Variants in ZNF469 observed in about 807,000 individuals in gnomAD.
ZNF469 encodes zinc finger protein 469.
A neutral mutation model predicts 1.0 loss-of-function variants in ZNF469; 1 was observed. That is an observed-to-expected ratio of 1.00 (90% confidence interval 0.35 to 4.73). ZNF469 has a LOEUF of 4.73. ZNF469 is among the 30% of genes most tolerant of loss of function. The probability of loss-of-function intolerance (pLI) is 0.16; values close to 1 mark genes in which losing one functional copy is unlikely to be tolerated. For missense variants in ZNF469, 6,100 were observed against 5,356.3 expected (o/e 1.14, Z -4.33); for synonymous variants, 2,703 against 2,363.4 (o/e 1.14, Z -4.17).
intron 1 of ZNF469, among the ~76,000 whole-genome samples, chr16:88,398,480 A>G (rs1046843555): frequency 5.3e-5 from 8 of 151,268 alleles, no homozygotes; most frequent in African/African-American, 2.0e-4. Flanking sequence ...TGAGCCACGG[A>G]TGAAGGGGGG....
chr16:88,397,232 G>A (rs762703134), intron 1 of ZNF469, among the ~76,000 whole-genome samples: 4 of 152,240 alleles, frequency 2.6e-5, no homozygotes, highest in South Asian at 2.1e-4. Flanking sequence ...TCTCATTGGC[G>A]GACCCGGTGC....
chr16:88,315,898 C>T, the ZNF469 span, among the ~76,000 whole-genome samples: 7 of 152,190 alleles, frequency 4.6e-5, no homozygotes, highest in Non-Finnish European at 1.0e-4. Context: ...CACAGGGCCT[C>T]GCCCGCCCAG....
At chr16:88,308,696 A>C in the ZNF469 span, among the ~76,000 whole-genome samples, 3 of 152,002 alleles carry the variant, frequency 2.0e-5, no homozygotes, top group African/African-American at 7.2e-5. Flanking sequence ...AGCAGACCCC[A>C]CCTCCATGAG....
the ZNF469 span, among the ~76,000 whole-genome samples, chr16:88,129,273 G>GT: frequency 1.3e-5 from 2 of 152,148 alleles, no homozygotes; most frequent in African/African-American, 4.8e-5. Flanking sequence ...TAGCCTTAGG[G>GT]TCGTCTCGGC....
At chr16:88,208,871 A>G in the ZNF469 span, among the ~76,000 whole-genome samples, 1 of 149,558 alleles carries the variant, frequency 6.7e-6, no homozygotes, top group African/African-American at 2.5e-5. Context: ...CGATGCCTCC[A>G]GTTCCAACCT....
chr16:88,347,808 G>A, the ZNF469 span, among the ~76,000 whole-genome samples: 648 of 152,316 alleles, frequency 4.3e-3, 1 homozygote, highest in African/African-American at 0.015. Context: ...GCACCCACCC[G>A]CCTCCTGGGA....
At chr16:88,122,259 AC>A in the ZNF469 span, among the ~76,000 whole-genome samples, 1 of 150,302 alleles carries the variant, frequency 6.7e-6, no homozygotes, top group Non-Finnish European at 1.5e-5. Context: ...CACGGCAGCC[AC>A]TCTGATCACA....
chr16:88,187,073 G>A, the ZNF469 span, among the ~76,000 whole-genome samples: 1 of 152,200 alleles, frequency 6.6e-6, no homozygotes, highest in Non-Finnish European at 1.5e-5. Context: ...ATGTAGCGGG[G>A]CCCTCTGGAA....
chr16:88,147,455 G>T, the ZNF469 span, among the ~76,000 whole-genome samples: 1 of 152,096 alleles, frequency 6.6e-6, no homozygotes, highest in African/African-American at 2.4e-5. Flanking sequence ...ACCGACTGGG[G>T]TCCAGGGCTG....
the ZNF469 span, among the ~76,000 whole-genome samples, chr16:88,102,790 C>T: frequency 6.6e-6 from 1 of 152,226 alleles, no homozygotes; most frequent in Non-Finnish European, 1.5e-5. Context: ...GCTACCAAGG[C>T]GTCCACCGCA....
chr16:88,281,679 A>G, the ZNF469 span, among the ~76,000 whole-genome samples: 1 of 148,168 alleles, frequency 6.7e-6, no homozygotes, highest in Admixed American at 6.7e-5. Flanking sequence ...GCTGTGCCAC[A>G]CCAACACTCG....
chr16:88,176,714 C>T, the ZNF469 span, among the ~76,000 whole-genome samples: 4 of 152,374 alleles, frequency 2.6e-5, no homozygotes, highest in Non-Finnish European at 2.9e-5. Context: ...TGTGGTGGGT[C>T]GGCCCGTGGC....
At chr16:88,232,957 C>T in the ZNF469 span, among the ~76,000 whole-genome samples, 1 of 152,224 alleles carries the variant, frequency 6.6e-6, no homozygotes, top group African/African-American at 2.4e-5. Context: ...GCATGGCCAC[C>T]TCCAGCCGGG....
Position 88,428,200 on chromosome 16 carries a change from C to T in ZNF469, c.730C>T (p.Pro244Ser), listed in dbSNP as rs928257964. ...SWPPAAENSF[P>S]GANFGVPPAE... ...GCCTCCCGCTGCTGAGAATAGCTTC[C>T]CAGGTGCTAATTTCGGGGTTCCCCC... Residue 244 changes from proline to serine, a missense_variant, in exon 3 of 3, where the codon CCA (proline) becomes TCA (serine). Physicochemically the swap from Pro to Ser is moderately conservative, Grantham distance 74. Coordinates refer to ENST00000565624, the MANE Select transcript of ZNF469 (RefSeq NM_001367624.2). 1.3e-6 allele frequency: 2 copies of T among 1,550,180 alleles called. No homozygotes were observed. The highest frequency in any genetic ancestry group is 2.7e-5 in the African/African-American group (2 of 73,044).
chr16:88,217,147 T>C, the ZNF469 span, among the ~76,000 whole-genome samples: 8 of 132,938 alleles, frequency 6.0e-5, no homozygotes, highest in Non-Finnish European at 1.4e-4. Flanking sequence ...TGATTTTTGA[T>C]TGAATACTAA....
chr16:88,115,285 C>G, the ZNF469 span, among the ~76,000 whole-genome samples: 1 of 152,072 alleles, frequency 6.6e-6, no homozygotes, highest in Non-Finnish European at 1.5e-5. Context: ...CATTTCTGAT[C>G]TGCAATAGAT....
chr16:88,221,575 G>C, the ZNF469 span, among the ~76,000 whole-genome samples: 1 of 152,236 alleles, frequency 6.6e-6, no homozygotes, highest in African/African-American at 2.4e-5. Context: ...TGCCCCGGCT[G>C]CGGGCCAGCG....
chr16:88,243,392 G>T, the ZNF469 span, among the ~76,000 whole-genome samples: 1 of 152,210 alleles, frequency 6.6e-6, no homozygotes, highest in African/African-American at 2.4e-5. Context: ...TGGGATGTAA[G>T]ATATACCCAC....
the ZNF469 span, among the ~76,000 whole-genome samples, chr16:88,279,089 CG>C: frequency 7.9e-6 from 1 of 127,294 alleles, no homozygotes; most frequent in Non-Finnish European, 1.8e-5. Flanking sequence ...TGCGCCATGC[CG>C]ACACTTGGTC....
Sources: gnomAD v4.1 joint callset for allele counts (sites outside exome capture counted in the v4.1 genomes callset) on GRCh38, gnomAD v4.1.1 for gene constraint, MANE v1.5 for transcripts, NCBI Gene and HGNC (gene_info 2026-07-23, HGNC 2026-07-21) for gene names.